CHD6: variants seen among roughly 807,000 people sequenced by gnomAD.
The protein encoded by CHD6 is ATP-dependent chromatin remodeler CHD6.
CHD6 carries 50 observed loss-of-function variants against 276.9 expected under a neutral mutation model. That is an observed-to-expected ratio of 0.18 (90% CI 0.14 to 0.23). CHD6 has a LOEUF of 0.23. CHD6 is among the 10% of genes least tolerant of loss of function. The pLI is 1.00. For synonymous variants in CHD6, 1,173 were observed against 1,229.3 expected, an observed-to-expected ratio of 0.95 and a Z score of 0.96; for missense variants, 2,564 against 3,365.8, an observed-to-expected ratio of 0.76 and a Z score of 5.89.
rs371745957 is a variant in CHD6 at position 41,416,580 on chromosome 20, C to T, written c.6486+8G>A. ...TGTTTTGTGGTCACTCCATTCTTGC[C>T]GGCTCACCTTGTGGATCTGGGCCGC... On this transcript the variant is annotated splice_region_variant and intron_variant, in intron 33 of 36. Coordinates refer to ENST00000373233, the MANE Select transcript of CHD6 (RefSeq NM_032221.5). The T allele has an allele frequency of 7.2e-5, 115 of 1,606,796 alleles. 1 individual carries two copies. The highest frequency in any genetic ancestry group is 3.9e-4 in the South Asian group (35 of 90,376).
intron 31 of CHD6, among the ~76,000 whole-genome samples, chr20:41,418,219 G>A (rs1240345555): frequency 6.6e-6 from 1 of 152,170 alleles, no homozygotes; most frequent in Non-Finnish European, 1.5e-5. Flanking sequence ...AGCCCTATGA[G>A]GGAAGACAGC....
At chr20:41,431,774 T>C (rs2047543740) in intron 27 of CHD6, among the ~76,000 whole-genome samples, 1 of 145,818 alleles carries the variant, frequency 6.9e-6, no homozygotes, top group African/African-American at 2.6e-5. Flanking sequence ...TGAAAAAACA[T>C]GCTTTTTTTT....
chr20:41,564,226 C>T lies in CHD6; in HGVS notation c.-23-12866G>A, dbSNP rs759376454. 32 of 580,624 alleles carry T rather than the reference C, an allele frequency of 5.5e-5. No homozygotes were observed. In the Admixed American group the frequency reaches 7.7e-4, roughly 14 times the overall value. 36.0% of individuals were successfully genotyped at this position (580,624 alleles called of 1,614,324 possible). On this transcript the variant is annotated intron_variant, in intron 1 of 36. Coordinates refer to ENST00000373233, the MANE Select transcript of CHD6 (RefSeq NM_032221.5). ...AAAATAGCTTAAACATGTTTTGGGG[C>T]GCTAAAAATGATCTAGATGACATTT...
intron 11 of CHD6, among the ~76,000 whole-genome samples, chr20:41,490,533 C>T (rs1010023654): frequency 2.0e-5 from 3 of 152,150 alleles, no homozygotes; most frequent in Non-Finnish European, 4.4e-5. Context: ...GTATACCTGG[C>T]CAGGCGCGGT....
At chr20:41,454,409 T>C (rs555703761) in intron 20 of CHD6, among the ~76,000 whole-genome samples, 1 of 152,340 alleles carries the variant, frequency 6.6e-6, no homozygotes, top group South Asian at 2.1e-4. Flanking sequence ...CTTCATCTAA[T>C]TTCCCAGGTG....
rs1269437774 is a variant in CHD6 at position 41,473,705 on chromosome 20, T to C, written c.2469-188A>G. ...GCAGGGCAGACACTTAAAACTGTAT[T>C]GCAAAATGCCCCCCTCTCAAAACAG... On this transcript the variant is annotated intron_variant, in intron 16 of 36. Transcript: ENST00000373233. This position sits in a 1 kb window ranked among gnomAD's most constrained non-coding sequence, Gnocchi z 4.1. Among the ~76,000 whole-genome samples the C allele has an allele frequency of 6.6e-6, 1 of 151,694 alleles. No homozygotes were observed. Among genetic ancestry groups the C allele is most frequent in the Admixed American group, 6.6e-5 (1 of 15,228 alleles).
chr20:41,560,363 C>A lies in CHD6; in HGVS notation c.-23-9003G>T, dbSNP rs142041939. On this transcript the variant is annotated intron_variant, in intron 1 of 36. Transcript: ENST00000373233. Reference sequence around the variant, plus strand: ...ACACCTGTGGGTTCCGACTCCTGCCCTGCTCATTCAGGTCTTATTCAGGCC... The same window carrying A: ...ACACCTGTGGGTTCCGACTCCTGCCATGCTCATTCAGGTCTTATTCAGGCC... Among the ~76,000 whole-genome samples the A allele has an allele frequency of 8.3e-4, 126 of 152,318 alleles. 1 individual carries two copies. The highest frequency in any genetic ancestry group is 2.9e-3 in the African/African-American group (120 of 41,578).
intron 5 of CHD6, among the ~76,000 whole-genome samples, chr20:41,500,393 A>G (rs2043802553): frequency 6.6e-6 from 1 of 152,176 alleles, no homozygotes; most frequent in South Asian, 2.1e-4. Flanking sequence ...AGGAAGGCAT[A>G]TGGCAGAAAA....
chr20:41,540,199 T>C (rs915079316), intron 2 of CHD6, among the ~76,000 whole-genome samples: 4 of 152,290 alleles, frequency 2.6e-5, no homozygotes, highest in South Asian at 2.1e-4. Flanking sequence ...CTGTGGTTAC[T>C]GAATGAAAGA....
chr20:41,476,682 T>G (rs1197264761), intron 16 of CHD6, among the ~76,000 whole-genome samples: 2 of 151,960 alleles, frequency 1.3e-5, no homozygotes, highest in African/African-American at 2.4e-5. Context: ...TCTAGCACAA[T>G]GCAAACACTT....
chr20:41,556,588 T>C lies in CHD6; in HGVS notation c.-23-5228A>G, dbSNP rs992497760. Reference sequence around the variant, plus strand: ...TGGCTAGCCTCTGAGGCAGAGAGAATGTGCATGTGAAATCTGAATGATGGC... The same window carrying C: ...TGGCTAGCCTCTGAGGCAGAGAGAACGTGCATGTGAAATCTGAATGATGGC... On this transcript the variant is annotated intron_variant, in intron 1 of 36. Transcript: ENST00000373233. 6.0e-4 allele frequency among the ~76,000 whole-genome samples: 92 copies of C among 152,212 alleles called. 2 individuals are homozygous for C. Among genetic ancestry groups the C allele is most frequent in the Admixed American group, 6.0e-3 (92 of 15,292 alleles).
intron 1 of CHD6, among the ~76,000 whole-genome samples, chr20:41,606,470 T>G (rs1267038512): frequency 6.6e-6 from 1 of 151,242 alleles, no homozygotes; most frequent in Non-Finnish European, 1.5e-5. Flanking sequence ...GCCGAGATCG[T>G]GCCACTGCAC....
At chr20:41,507,343 T>C (rs905953918) in intron 5 of CHD6, among the ~76,000 whole-genome samples, 2 of 151,694 alleles carry the variant, frequency 1.3e-5, no homozygotes, top group South Asian at 2.1e-4. Context: ...CTCTTCATCA[T>C]AGGAAATTTT....
At chr20:41,432,292 GCAGAAGAAA>G (rs536415828) in intron 27 of CHD6, among the ~76,000 whole-genome samples, 93 of 152,160 alleles carry the variant, frequency 6.1e-4, no homozygotes, top group Middle Eastern at 6.8e-3. Flanking sequence ...GCCCAACAAT[GCAGAAGAAA>G]CTGTCTCAAC....
intron 27 of CHD6, among the ~76,000 whole-genome samples, chr20:41,436,036 T>C (rs2047698797): frequency 6.6e-6 from 1 of 152,196 alleles, no homozygotes; most frequent in East Asian, 1.9e-4. Flanking sequence ...TTGCCCAGGC[T>C]AGTCTTGAAC....
intron 2 of CHD6, among the ~76,000 whole-genome samples, chr20:41,534,355 C>T (rs2044771924): frequency 6.6e-6 from 1 of 152,186 alleles, no homozygotes; most frequent in Admixed American, 6.5e-5. Flanking sequence ...CTGGCATGTG[C>T]TAAAGGGCAC....
intron 2 of CHD6, among the ~76,000 whole-genome samples, chr20:41,537,208 T>A (rs1178816995): frequency 6.6e-6 from 1 of 152,192 alleles, no homozygotes; most frequent in Non-Finnish European, 1.5e-5. Flanking sequence ...TTAAAGAATA[T>A]TATCAAGAAA....
Position 41,403,954 on chromosome 20 carries a change from T to C in CHD6, c.*639A>G. ...CTAGTCAGTCAGTATTTCTTCTTGC[T>C]GCAGGTGTCTGAAAAACCACCAAGG... On this transcript the variant is annotated 3_prime_UTR_variant, in exon 37 of 37. Transcript: ENST00000373233. 9.5e-7 allele frequency: 1 copy of C among 1,054,094 alleles called. No individual in the cohort carries two copies. The highest frequency in any genetic ancestry group is 1.1e-6 in the Non-Finnish European group (1 of 872,254). 65.3% of individuals were successfully genotyped at this position (1,054,094 alleles called of 1,614,324 possible).
rs1164037292 is a variant in CHD6, at chr20:41,415,238, CCTT to C, written c.6884_6886del (p.Glu2295del). Reference sequence around the variant, plus strand: ...CTTCAAAAAGATGAGGTCCATCCCTCCTTCAACATGTTTCCGCCTCCCTCTCCG... The same window carrying C: ...CTTCAAAAAGATGAGGTCCATCCCTCCAACATGTTTCCGCCTCCCTCTCCG... On this transcript the variant is annotated inframe_deletion, in exon 34 of 37. Coordinates refer to ENST00000373233, the MANE Select transcript of CHD6 (RefSeq NM_032221.5). 1 of 1,614,062 alleles carries C rather than the reference CCTT, an allele frequency of 6.2e-7. No homozygotes were observed. Among genetic ancestry groups the C allele is most frequent in the African/African-American group, 1.3e-5 (1 of 74,938 alleles).
Sources: gnomAD v4.1 joint callset for allele counts (sites outside exome capture counted in the v4.1 genomes callset) on GRCh38, gnomAD v4.1.1 for gene constraint, Gnocchi (gnomAD v3.1) non-coding constraint, MANE v1.5 for transcripts, NCBI Gene and HGNC (gene_info 2026-07-23, HGNC 2026-07-21) for gene names.